Variants in FGF10 observed in about 807,000 individuals in gnomAD.
FGF10 encodes the protein FGF-10.
In FGF10, 2 loss-of-function variants were observed where a neutral mutation model predicts 19.8. That is an observed-to-expected ratio of 0.10 (90% CI 0.04 to 0.32). The LOEUF (loss-of-function observed/expected upper bound fraction) is 0.32, where lower values mean the gene tolerates loss of function less well. Ranked by LOEUF, FGF10 falls within the 10% of genes least tolerant of loss-of-function variation. The probability of loss-of-function intolerance (pLI) is 1.00; values close to 1 mark genes in which losing one functional copy is unlikely to be tolerated. For missense variants in FGF10, 191 were observed against 246.3 expected (o/e 0.78, Z 1.50); for synonymous variants, 112 against 94.0 (o/e 1.19, Z -1.10).
At chr5:44,318,072 A>G (rs576700736) in intron 1 of FGF10, among the ~76,000 whole-genome samples, 1 of 152,252 alleles carries the variant, frequency 6.6e-6, no homozygotes, top group East Asian at 1.9e-4. Context: ...CCAGCAATCC[A>G]GCAAACAAAC....
chr5:44,360,403 C>G (rs140638140), intron 1 of FGF10, among the ~76,000 whole-genome samples: 4 of 151,642 alleles, frequency 2.6e-5, no homozygotes, highest in African/African-American at 9.6e-5. Context: ...ATCTTTAACA[C>G]TCCCTTCCCT....
At chr5:44,365,642 T>G (rs772821004) in intron 1 of FGF10, among the ~76,000 whole-genome samples, 5 of 152,006 alleles carry the variant, frequency 3.3e-5, no homozygotes, top group Non-Finnish European at 4.4e-5. Context: ...AGTAAGACTC[T>G]GTTGTCATCC....
chr5:44,339,460 T>C (rs1186888631), intron 1 of FGF10, among the ~76,000 whole-genome samples: 1 of 152,168 alleles, frequency 6.6e-6, no homozygotes, highest in Non-Finnish European at 1.5e-5. Context: ...GCATAAGGCG[T>C]TCTGTTGGGG....
At position 44,303,262 on chromosome 5, in the gene FGF10, A is replaced by T. The variant is rs1038042127; in HGVS notation, c.*1733T>A. ...CTTAATAAAGCAATTTTTAAAAATAACAGATTAACTGGAAGTGCTGGTTAA... is the reference window on the plus strand; with the variant it reads ...CTTAATAAAGCAATTTTTAAAAATATCAGATTAACTGGAAGTGCTGGTTAA... On this transcript the variant is annotated 3_prime_UTR_variant, in exon 3 of 3. Transcript: ENST00000264664. Among the ~76,000 whole-genome samples the T allele has an allele frequency of 2.0e-5, 3 of 152,182 alleles. No homozygotes were observed. Among genetic ancestry groups the T allele is most frequent in the African/African-American group, 4.8e-5 (2 of 41,448 alleles).
At chr5:44,341,466 C>G (rs1740969533) in intron 1 of FGF10, among the ~76,000 whole-genome samples, 1 of 151,036 alleles carries the variant, frequency 6.6e-6, no homozygotes, top group Non-Finnish European at 1.5e-5. Flanking sequence ...ATAGTCTGAG[C>G]TATTTCCATA....
chr5:44,336,954 A>C (rs377515361), intron 1 of FGF10, among the ~76,000 whole-genome samples: 30 of 152,256 alleles, frequency 2.0e-4, no homozygotes, highest in East Asian at 7.8e-4. Flanking sequence ...ACCTGAAAAT[A>C]ACCAAAGATG....
intron 2 of FGF10, among the ~76,000 whole-genome samples, chr5:44,310,161 G>C (rs1740177120): frequency 6.6e-6 from 1 of 152,102 alleles, no homozygotes; most frequent in Non-Finnish European, 1.5e-5. Flanking sequence ...GCTTCCGTGA[G>C]AGCCTGACTT....
intron 1 of FGF10, among the ~76,000 whole-genome samples, chr5:44,387,327 G>C (rs1470500436): frequency 6.6e-6 from 1 of 152,112 alleles, no homozygotes; most frequent in East Asian, 1.9e-4. Flanking sequence ...AAGAAAGAAA[G>C]AAGGGAAAGA....
At chr5:44,314,915 T>A (rs543609505) in intron 1 of FGF10, among the ~76,000 whole-genome samples, 18 of 152,284 alleles carry the variant, frequency 1.2e-4, no homozygotes, top group African/African-American at 4.1e-4. Flanking sequence ...AAAACTTGTA[T>A]TTAATAGAAT....
chr5:44,345,741 C>T (rs932941707), intron 1 of FGF10, among the ~76,000 whole-genome samples: 8 of 151,556 alleles, frequency 5.3e-5, no homozygotes, highest in African/African-American at 1.9e-4. Flanking sequence ...GCATGGCATT[C>T]AACATAGCTG....
At chr5:44,348,449 T>C (rs578021070) in intron 1 of FGF10, among the ~76,000 whole-genome samples, 1 of 151,658 alleles carries the variant, frequency 6.6e-6, no homozygotes, top group African/African-American at 2.4e-5. Context: ...ACATGGGATC[T>C]GGATTTTATA....
chr5:44,363,359 TG>T (rs1449529974), intron 1 of FGF10, among the ~76,000 whole-genome samples: 5 of 151,852 alleles, frequency 3.3e-5, no homozygotes, highest in Non-Finnish European at 5.9e-5. Flanking sequence ...AGAAATGAAA[TG>T]GGAATTTTAA....
At chr5:44,368,331 C>T (rs1372483802) in intron 1 of FGF10, among the ~76,000 whole-genome samples, 3 of 151,946 alleles carry the variant, frequency 2.0e-5, no homozygotes, top group Non-Finnish European at 2.9e-5. Context: ...TAATTTGATG[C>T]CTTCTTTGGA....
At chr5:44,329,362 A>G (rs902273198) in intron 1 of FGF10, among the ~76,000 whole-genome samples, 4 of 151,976 alleles carry the variant, frequency 2.6e-5, no homozygotes, top group African/African-American at 9.7e-5. Context: ...TTTTTAGTAG[A>G]CGCGGGGTTT....
chr5:44,367,022 A>G (rs1741631312), intron 1 of FGF10, among the ~76,000 whole-genome samples: 1 of 152,058 alleles, frequency 6.6e-6, no homozygotes, highest in African/African-American at 2.4e-5. Flanking sequence ...TATTTCTCAA[A>G]CTGCAAGAAA....
At chr5:44,332,483 A>C (rs1158988594) in intron 1 of FGF10, among the ~76,000 whole-genome samples, 1 of 152,144 alleles carries the variant, frequency 6.6e-6, no homozygotes, top group African/African-American at 2.4e-5. Flanking sequence ...CATACTATCC[A>C]TTTGGCAACT....
chr5:44,325,693 T>C (rs1450957267), intron 1 of FGF10, among the ~76,000 whole-genome samples: 3 of 136,852 alleles, frequency 2.2e-5, no homozygotes, highest in African/African-American at 8.4e-5. Flanking sequence ...AATGAGAACA[T>C]TTGGACACAG....
At chr5:44,336,513 C>T (rs750251167) in intron 1 of FGF10, among the ~76,000 whole-genome samples, 5 of 152,050 alleles carry the variant, frequency 3.3e-5, no homozygotes, top group South Asian at 4.1e-4. Flanking sequence ...CCTCCTCCTC[C>T]GGGGAGAGGT....
intron 1 of FGF10, among the ~76,000 whole-genome samples, chr5:44,353,527 C>G (rs1277721887): frequency 6.6e-6 from 1 of 151,218 alleles, no homozygotes; most frequent in East Asian, 1.9e-4. Flanking sequence ...TGCGTCAAGC[C>G]CCTTGGTAAT....
Sources: allele counts gnomAD v4.1 joint callset (sites outside exome capture counted in the v4.1 genomes callset), GRCh38; gene constraint gnomAD v4.1.1; transcripts MANE v1.5; gene names NCBI Gene and HGNC (gene_info 2026-07-23, HGNC 2026-07-21).